Variants in ERP44 observed in about 807,000 individuals in gnomAD.
ERP44 encodes the protein endoplasmic reticulum protein 44, also known as endoplasmic reticulum resident protein 44.
In ERP44, 25 loss-of-function variants were observed where a neutral mutation model predicts 53.4. That is an observed-to-expected ratio of 0.47 (90% CI 0.34 to 0.65). The LOEUF is 0.65. Ranked by LOEUF, ERP44 falls within the 30% of genes least tolerant of loss-of-function variation. ERP44 has a pLI of 0.01. For missense variants in ERP44, 338 were observed against 493.2 expected (o/e 0.69, Z 2.98); for synonymous variants, 145 against 161.2 (o/e 0.90, Z 0.76).
At chr9:100,025,585 T>A (rs976745350) in intron 4 of ERP44, among the ~76,000 whole-genome samples, 4 of 151,890 alleles carry the variant, frequency 2.6e-5, no homozygotes, top group African/African-American at 9.7e-5. Flanking sequence ...GCTTAAACAC[T>A]CTTAGCAAAC....
At position 100,018,169 on chromosome 9, in the gene ERP44, C is replaced by A. The variant is rs918401757; in HGVS notation, c.645+87G>T. 1.1e-5 allele frequency: 9 copies of A among 855,848 alleles called. No individual in the cohort carries two copies. In the African/African-American group the frequency reaches 1.5e-4, roughly 14 times the overall value. The allele number at this position is 855,848 out of a possible 1,614,324, so 53.0% of individuals were successfully genotyped here. ...CTTTCAATTCTAAAGTTCTATTAGTCTATGAACATTAACACATATAAAACT... is the reference window on the plus strand; with the variant it reads ...CTTTCAATTCTAAAGTTCTATTAGTATATGAACATTAACACATATAAAACT... On this transcript the variant is annotated intron_variant, in intron 7 of 11. Coordinates refer to ENST00000262455, the MANE Select transcript of ERP44 (RefSeq NM_015051.3).
intron 4 of ERP44, among the ~76,000 whole-genome samples, chr9:100,028,916 C>CA (rs924730256): frequency 6.6e-6 from 1 of 152,186 alleles, no homozygotes; most frequent in Non-Finnish European, 1.5e-5. Flanking sequence ...CCTTTTAAGG[C>CA]ACACACAATA....
At chr9:99,996,103 C>G (rs1830307357) in intron 10 of ERP44, among the ~76,000 whole-genome samples, 1 of 152,048 alleles carries the variant, frequency 6.6e-6, no homozygotes. Context: ...TTTGTCTCCA[C>G]CAAACCTCAT....
chr9:100,085,698 G>C (rs183216067), intron 1 of ERP44, among the ~76,000 whole-genome samples: 4 of 152,182 alleles, frequency 2.6e-5, no homozygotes, highest in Non-Finnish European at 5.9e-5. Context: ...TCAGGAGTTC[G>C]AGACCAGCCT....
At chr9:100,073,261 A>T (rs1296889128) in intron 1 of ERP44, among the ~76,000 whole-genome samples, 1 of 152,220 alleles carries the variant, frequency 6.6e-6, no homozygotes, top group African/African-American at 2.4e-5. Context: ...GTAATGCATG[A>T]TCAAGTTTTT....
At chr9:100,044,671 C>T (rs1177374102) in intron 4 of ERP44, among the ~76,000 whole-genome samples, 1 of 152,160 alleles carries the variant, frequency 6.6e-6, no homozygotes, top group Non-Finnish European at 1.5e-5. Context: ...TATCACAATA[C>T]TCTGTATACT....
intron 10 of ERP44, among the ~76,000 whole-genome samples, chr9:99,991,594 A>C (rs1830255763): frequency 6.6e-6 from 1 of 152,230 alleles, no homozygotes; most frequent in African/African-American, 2.4e-5. Flanking sequence ...CTACCATCAC[A>C]ATTAAAATAA....
intron 10 of ERP44, among the ~76,000 whole-genome samples, chr9:100,003,146 T>C (rs897182196): frequency 3.9e-5 from 6 of 152,356 alleles, no homozygotes; most frequent in Admixed American, 2.0e-4. Context: ...TTAAGAAATA[T>C]ATAATTTCAA....
At position 99,982,625 on chromosome 9, in the gene ERP44, C is replaced by A; in HGVS notation, c.1208G>T (p.Arg403Leu). 6.4e-7 allele frequency: 1 copy of A among 1,558,214 alleles called. No individual in the cohort carries two copies. Among genetic ancestry groups the A allele is most frequent in the South Asian group, 1.2e-5 (1 of 80,058 alleles). ...TTTTTCAAGTTTTTAAAGCTCATCT[C>A]GATCCCTCAATAGAGTATACCTATA... ...SEYRYTLLRD[R>L]DEL Residue 403 changes from arginine (R) to leucine (L), a missense_variant, in exon 12 of 12, where the codon CGA becomes CTA. By Grantham distance (102) the Arg-to-Leu change is moderately radical. This residue lies in a region of ERP44 where 113 missense variants were observed against 172.6 expected (regional missense o/e 0.65). Transcript: ENST00000262455.
intron 4 of ERP44, among the ~76,000 whole-genome samples, chr9:100,047,260 A>T (rs1267033275): frequency 2.6e-5 from 4 of 152,170 alleles, no homozygotes; most frequent in Non-Finnish European, 5.9e-5. Context: ...CACCAACATT[A>T]AGAACATCTT....
chr9:100,077,927 G>A (rs544835214), intron 1 of ERP44, among the ~76,000 whole-genome samples: 2 of 152,202 alleles, frequency 1.3e-5, no homozygotes, highest in South Asian at 4.2e-4. Context: ...AGACACTTCA[G>A]GAATGAAGGT....
chr9:100,026,869 T>G (rs1040018081), intron 4 of ERP44, among the ~76,000 whole-genome samples: 8 of 152,178 alleles, frequency 5.3e-5, no homozygotes, highest in South Asian at 2.1e-4. Flanking sequence ...ACTAGTCTAA[T>G]ACAAAACATA....
At chr9:99,997,284 C>T (rs1361437415) in intron 10 of ERP44, among the ~76,000 whole-genome samples, 1 of 152,214 alleles carries the variant, frequency 6.6e-6, no homozygotes, top group African/African-American at 2.4e-5. Flanking sequence ...CTGATCACCA[C>T]ATCCACGCCA....
At chr9:100,020,762 AACAT>A (rs1372402249) in intron 5 of ERP44, 31 bp from the exon 6 acceptor site, 1 of 1,118,016 alleles carries the variant, frequency 8.9e-7, no homozygotes, top group East Asian at 2.4e-5. Flanking sequence ...TTATTTTGCA[AACAT>A]ACATAGTTTT....
At chr9:100,083,993 AAGAC>A (rs1826455103) in intron 1 of ERP44, among the ~76,000 whole-genome samples, 1 of 152,148 alleles carries the variant, frequency 6.6e-6, no homozygotes, top group Non-Finnish European at 1.5e-5. Context: ...TACAGAGGGA[AAGAC>A]AGACGGACAG....
chr9:100,019,293 C>G (rs948379932), intron 6 of ERP44, among the ~76,000 whole-genome samples: 17 of 152,056 alleles, frequency 1.1e-4, no homozygotes, highest in Admixed American at 2.6e-4. Flanking sequence ...CCTATAATCC[C>G]AGCACTTTTG....
At chr9:100,060,265 G>A (rs1826130838) in intron 1 of ERP44, 93 bp from the exon 2 acceptor site, 4 of 1,232,002 alleles carry the variant, frequency 3.2e-6, no homozygotes, top group Admixed American at 4.3e-5. Flanking sequence ...GATTCCACTT[G>A]TTCCTTAGAA....
chr9:100,014,496 C>T (rs1037799340), intron 8 of ERP44, among the ~76,000 whole-genome samples: 1 of 152,140 alleles, frequency 6.6e-6, no homozygotes, highest in African/African-American at 2.4e-5. Flanking sequence ...TGTTAGTTAG[C>T]CAGGCTGGTC....
chr9:100,077,919 A>G (rs756828831), intron 1 of ERP44, among the ~76,000 whole-genome samples: 2 of 152,200 alleles, frequency 1.3e-5, no homozygotes, highest in Non-Finnish European at 2.9e-5. Context: ...AATGGCCCAG[A>G]CACTTCAGGA....
Sources: allele counts gnomAD v4.1 joint callset (sites outside exome capture counted in the v4.1 genomes callset), GRCh38; gene constraint gnomAD v4.1.1; regional missense constraint gnomAD v4.1.1; transcripts MANE v1.5; gene names NCBI Gene and HGNC (gene_info 2026-07-23, HGNC 2026-07-21).